TSPAN14: variants seen among roughly 807,000 people sequenced by gnomAD.
The protein encoded by TSPAN14 is tetraspanin 14.
In TSPAN14, 16 loss-of-function variants were observed where a neutral mutation model predicts 36.6. That is an observed-to-expected ratio of 0.44 (90% CI 0.30 to 0.66). The LOEUF (loss-of-function observed/expected upper bound fraction) is 0.66. Ranked by LOEUF, TSPAN14 falls within the 30% of genes least tolerant of loss-of-function variation. TSPAN14 has a pLI of 0.12. For synonymous variants in TSPAN14, 139 were observed against 143.8 expected (o/e 0.97, Z 0.24); for missense variants, 231 against 355.1 (o/e 0.65, Z 2.81).
chr10:80,459,399 G>A (rs1845872896), intron 1 of TSPAN14: 1 of 152,596 alleles, frequency 6.6e-6, no homozygotes, highest in South Asian at 2.1e-4. Flanking sequence ...CTTTCAGCTA[G>A]ATAGCTGGAG....
intron 2 of TSPAN14, among the ~76,000 whole-genome samples, chr10:80,503,440 C>G (rs1359139465): frequency 6.6e-6 from 1 of 151,996 alleles, no homozygotes; most frequent in Non-Finnish European, 1.5e-5. Flanking sequence ...TGTGATTCAG[C>G]CCTTCTCCCC....
chr10:80,482,573 C>T (rs1245463527), intron 1 of TSPAN14, among the ~76,000 whole-genome samples: 1 of 150,954 alleles, frequency 6.6e-6, no homozygotes, highest in African/African-American at 2.5e-5. Flanking sequence ...TAGGCATGAA[C>T]CACTGTGCCC....
intron 3 of TSPAN14, 112 bp downstream of exon 3, chr10:80,504,890 T>C: frequency 8.7e-7 from 1 of 1,144,144 alleles, no homozygotes; most frequent in African/African-American, 1.5e-5. Context: ...TCTTGTGCAG[T>C]GTCAAGGTGT....
At chr10:80,519,652 T>G (rs1165087020) in exon 9 of TSPAN14, 1 of 152,488 alleles carries the variant, frequency 6.6e-6, no homozygotes, top group African/African-American at 2.4e-5. Context: ...TCATTTTTGT[T>G]TGGGGTCACT....
At chr10:80,478,470 G>A (rs1289847350) in intron 1 of TSPAN14, among the ~76,000 whole-genome samples, 2 of 152,166 alleles carry the variant, frequency 1.3e-5, no homozygotes, top group African/African-American at 2.4e-5. Flanking sequence ...GCCTGAAATA[G>A]GTTATTAGCT....
At chr10:80,505,634 G>T (rs2132043891) in intron 3 of TSPAN14, among the ~76,000 whole-genome samples, 1 of 152,332 alleles carries the variant, frequency 6.6e-6, no homozygotes, top group African/African-American at 2.4e-5. Flanking sequence ...CCCACCTTCA[G>T]GTTTGGGCAC....
At chr10:80,454,565 A>G (rs1248706927) in intron 1 of TSPAN14, among the ~76,000 whole-genome samples, 194 bp downstream of exon 1, 1 of 151,602 alleles carries the variant, frequency 6.6e-6, no homozygotes, top group Non-Finnish European at 1.5e-5. Context: ...ATTGCTCGCT[A>G]GAGGTTGGAG....
At chr10:80,474,293 T>A (rs1368789341) in intron 1 of TSPAN14, among the ~76,000 whole-genome samples, 1 of 150,568 alleles carries the variant, frequency 6.6e-6, no homozygotes, top group African/African-American at 2.5e-5. Flanking sequence ...GGGCATGGGG[T>A]GTATGTAGCT....
intron 1 of TSPAN14, among the ~76,000 whole-genome samples, chr10:80,479,534 A>G (rs1186596593): frequency 1.4e-4 from 22 of 152,092 alleles, no homozygotes; most frequent in Non-Finnish European, 1.5e-5. Flanking sequence ...TCCCAGCACC[A>G]TTTATTAAAT....
chr10:80,509,208 T>G lies in TSPAN14; in HGVS notation c.280-93T>G. The stretch of plus-strand genomic sequence containing the variant: ...CTCAGGTGCAGAGCCCACGCTCTGC[T>G]GAGGATGGTGGTTCTGGGTCAGGTG... On this transcript the variant is annotated intron_variant, in intron 4 of 8. Transcript: ENST00000429989. This position sits in a 1 kb window ranked among gnomAD's most constrained non-coding sequence, Gnocchi z 4.7. The G allele has an allele frequency of 7.1e-7, 1 of 1,402,018 alleles. No homozygotes were observed. The highest frequency in any genetic ancestry group is 2.3e-5 in the East Asian group (1 of 43,664). 86.8% of individuals were successfully genotyped at this position (1,402,018 alleles called of 1,614,324 possible). A position where few individuals can be genotyped will look rare whatever the true frequency, so the allele number is the denominator to read the frequency against.
rs1335599434 is a variant in TSPAN14 at position 80,520,689 on chromosome 10, T to C, written c.*2713T>C. The C allele has an allele frequency of 5.6e-6, 3 of 533,510 alleles. No individual in the cohort carries two copies. In the Admixed American group the frequency reaches 5.8e-5, roughly 10 times the overall value. The allele number at this position is 533,510 out of a possible 1,614,324, so 33.0% of individuals were successfully genotyped here. Reference sequence around the variant, plus strand: ...ATCCTAAAAACTTGCCGAGGCCCTATGGCTCCCTCCCTTTCTTTCCCAGGC... The same window carrying C: ...ATCCTAAAAACTTGCCGAGGCCCTACGGCTCCCTCCCTTTCTTTCCCAGGC... On this transcript the variant is annotated 3_prime_UTR_variant, in exon 9 of 9. Transcript: ENST00000429989.
At chr10:80,502,713 G>A (rs1252665415) in intron 2 of TSPAN14, among the ~76,000 whole-genome samples, 1 of 152,118 alleles carries the variant, frequency 6.6e-6, no homozygotes, top group Non-Finnish European at 1.5e-5. Context: ...GTAAAATATC[G>A]TTAGCTGTCT....
intron 5 of TSPAN14, among the ~76,000 whole-genome samples, chr10:80,511,187 C>T (rs1840598864): frequency 6.6e-6 from 1 of 152,172 alleles, no homozygotes; most frequent in Middle Eastern, 3.2e-3. Context: ...GGATTTTACA[C>T]ACTTTTTAGT....
At chr10:80,472,668 T>A (rs577878173) in intron 1 of TSPAN14, among the ~76,000 whole-genome samples, 5 of 152,328 alleles carry the variant, frequency 3.3e-5, no homozygotes, top group Admixed American at 6.5e-5. Flanking sequence ...TATACAGAAC[T>A]GCTGTAGCTA....
chr10:80,495,448 C>T (rs1183330818), intron 2 of TSPAN14, among the ~76,000 whole-genome samples: 1 of 151,846 alleles, frequency 6.6e-6, no homozygotes, highest in Non-Finnish European at 1.5e-5. Context: ...ATCAGAAACT[C>T]CACTAGAACT....
chr10:80,490,488 A>G (rs1291993528), intron 2 of TSPAN14, among the ~76,000 whole-genome samples: 1 of 152,212 alleles, frequency 6.6e-6, no homozygotes, highest in Non-Finnish European at 1.5e-5. Flanking sequence ...TGTGTATTGT[A>G]GAAGCCTTTA....
intron 1 of TSPAN14, among the ~76,000 whole-genome samples, chr10:80,455,565 T>A (rs1845698470): frequency 6.6e-6 from 1 of 152,120 alleles, no homozygotes; most frequent in Non-Finnish European, 1.5e-5. Flanking sequence ...AAGCAGTTAG[T>A]GCCTGCTGAG....
At chr10:80,506,390 G>C (rs936831154) in intron 3 of TSPAN14, among the ~76,000 whole-genome samples, 9 of 152,212 alleles carry the variant, frequency 5.9e-5, no homozygotes, top group Admixed American at 3.3e-4. Context: ...CTGGGTCTTA[G>C]ATGATATCTG....
At chr10:80,515,956 C>G (rs998463109) in intron 7 of TSPAN14, 2 of 511,776 alleles carry the variant, frequency 3.9e-6, no homozygotes, top group Non-Finnish European at 3.5e-6. Flanking sequence ...GGCTTTAAAT[C>G]TCTGGAGACC....
Sources: allele counts gnomAD v4.1 joint callset (sites outside exome capture counted in the v4.1 genomes callset), GRCh38; gene constraint gnomAD v4.1.1; non-coding constraint Gnocchi (gnomAD v3.1); transcripts MANE v1.5; gene names NCBI Gene and HGNC (gene_info 2026-07-23, HGNC 2026-07-21).